Variants in IGF1 observed in about 807,000 individuals in gnomAD.
The protein encoded by IGF1 is insulin-like growth factor 1.
A neutral mutation model predicts 13.8 loss-of-function variants in IGF1; 4 were observed. That is an observed-to-expected ratio of 0.29 (90% CI 0.14 to 0.66). IGF1 has a LOEUF of 0.66. Among genes scored for constraint, IGF1 ranks in the 30% least tolerant of loss-of-function variants. The probability of loss-of-function intolerance (pLI) is 0.78; values close to 1 mark genes in which losing one functional copy is unlikely to be tolerated. For missense variants in IGF1, 124 were observed against 188.5 expected (o/e 0.66, Z 2.00); for synonymous variants, 76 against 72.6 (o/e 1.05, Z -0.23).
intron 2 of IGF1, among the ~76,000 whole-genome samples, chr12:102,452,017 C>T (rs1203965461): frequency 6.6e-6 from 1 of 152,110 alleles, no homozygotes; most frequent in Non-Finnish European, 1.5e-5. Flanking sequence ...AATCCCAGCA[C>T]TTTGGGAGGC....
At chr12:102,438,198 G>A (rs895195717) in intron 2 of IGF1, among the ~76,000 whole-genome samples, 10 of 152,172 alleles carry the variant, frequency 6.6e-5, no homozygotes, top group African/African-American at 2.4e-4. Context: ...AGAAGCTGAG[G>A]CAAAGTCAGG....
chr12:102,436,917 C>T (rs1278298550), intron 2 of IGF1, among the ~76,000 whole-genome samples: 6 of 152,140 alleles, frequency 3.9e-5, no homozygotes, highest in Admixed American at 3.9e-4. Flanking sequence ...CAACAGTGCC[C>T]AAAGGCAGGA....
intron 1 of IGF1, among the ~76,000 whole-genome samples, chr12:102,477,391 A>G (rs891442240): frequency 3.3e-5 from 5 of 152,214 alleles, no homozygotes; most frequent in African/African-American, 4.8e-5. Flanking sequence ...ATCATAAATA[A>G]TGGACATAAA....
rs2136936521 is a variant in IGF1, at chr12:102,401,171, A to G, written c.*1336T>C. On this transcript the variant is annotated 3_prime_UTR_variant, in exon 4 of 4. Coordinates refer to ENST00000337514, the MANE Select transcript of IGF1 (RefSeq NM_000618.5). ...AAAAATCTGAATCTTTATCTTTTTA[A>G]ACCTTATACCACCCCTTTGAGGTAG... The G allele has an allele frequency of 6.6e-6, 1 of 152,460 alleles. No homozygotes were observed. Among genetic ancestry groups the G allele is most frequent in the Admixed American group, 6.5e-5 (1 of 15,312 alleles). 9.4% of individuals were successfully genotyped at this position (152,460 alleles called of 1,614,324 possible). A position where few individuals can be genotyped will look rare whatever the true frequency, so the allele number is the denominator to read the frequency against.
chr12:102,470,432 A>T (rs1397273122), intron 2 of IGF1, among the ~76,000 whole-genome samples: 3 of 152,222 alleles, frequency 2.0e-5, no homozygotes, highest in African/African-American at 2.4e-5. Context: ...TCATTTTCTT[A>T]GTGGTCCTAT....
intron 2 of IGF1, among the ~76,000 whole-genome samples, chr12:102,443,532 T>G (rs1194895864): frequency 6.6e-6 from 1 of 152,110 alleles, no homozygotes; most frequent in Admixed American, 6.5e-5. Context: ...ATCTTGGGAC[T>G]ACTACATAAG....
intron 2 of IGF1, among the ~76,000 whole-genome samples, chr12:102,419,976 C>T (rs1875563565): frequency 6.6e-6 from 1 of 152,140 alleles, no homozygotes; most frequent in African/African-American, 2.4e-5. Context: ...TGTCTATGCC[C>T]AATCCTAGTC....
At chr12:102,481,315 C>T (rs1005589722), upstream of IGF1, among the ~76,000 whole-genome samples, 1 of 150,692 alleles carries the variant, frequency 6.6e-6, no homozygotes, top group Non-Finnish European at 1.5e-5. Flanking sequence ...AAACAATTTT[C>T]CTGTTGTTTG....
chr12:102,466,546 G>A (rs1880338201), intron 2 of IGF1, among the ~76,000 whole-genome samples: 1 of 152,160 alleles, frequency 6.6e-6, no homozygotes, highest in Admixed American at 6.5e-5. Flanking sequence ...TGTTGAGGCT[G>A]AAAAACTCTG....
intron 2 of IGF1, among the ~76,000 whole-genome samples, chr12:102,474,730 G>C (rs1339262017): frequency 6.6e-6 from 1 of 152,148 alleles, no homozygotes; most frequent in Non-Finnish European, 1.5e-5. Flanking sequence ...AGAATTATAA[G>C]GAACAAGCAT....
At chr12:102,434,914 T>C (rs1877089579) in intron 2 of IGF1, among the ~76,000 whole-genome samples, 1 of 152,190 alleles carries the variant, frequency 6.6e-6, no homozygotes, top group Non-Finnish European at 1.5e-5. Flanking sequence ...TGAGCATTTT[T>C]TCATGTATTT....
At chr12:102,478,002 T>C (rs1056246365) in intron 1 of IGF1, among the ~76,000 whole-genome samples, 1 of 151,010 alleles carries the variant, frequency 6.6e-6, no homozygotes, top group Non-Finnish European at 1.5e-5. Context: ...TTTTTCTTTT[T>C]TTTTTTTTTT....
At position 102,398,022 on chromosome 12, in the gene IGF1, TAA is replaced by T. The variant is rs17881987; in HGVS notation, c.*4483_*4484del. On this transcript the variant is annotated 3_prime_UTR_variant, in exon 4 of 4. Transcript: ENST00000337514. ...TAACTTATTATTCCTCATTCTGATA[TAA>T]AAAAAGAAGAAAAGAACCAAGTCAT... 8.0e-6 allele frequency: 1 copy of T among 124,362 alleles called. No homozygotes were observed. Among genetic ancestry groups the T allele is most frequent in the Non-Finnish European group, 1.7e-5 (1 of 57,164 alleles). 7.7% of individuals were successfully genotyped at this position (124,362 alleles called of 1,614,324 possible).
chr12:102,458,730 C>CAAAAAAAAAAAAAAA lies in IGF1; in HGVS notation c.220+16898_220+16912dup, dbSNP rs397825972. The stretch of plus-strand genomic sequence containing the variant: ...TTAAGCAGATGGTAGGAACACTGAC[C>CAAAAAAAAAAAAAAA]AAAAAAAAAAAAAAAAACCAAAAAC... On this transcript the variant is annotated intron_variant, in intron 2 of 3. Transcript: ENST00000337514. 2.6e-3 allele frequency among the ~76,000 whole-genome samples: 190 copies of CAAAAAAAAAAAAAAA among 73,306 alleles called. 13 individuals are homozygous for CAAAAAAAAAAAAAAA. Among genetic ancestry groups the CAAAAAAAAAAAAAAA allele is most frequent in the African/African-American group, 7.9e-3 (151 of 19,104 alleles). 48.1% of individuals were successfully genotyped at this position (73,306 alleles called of 152,430 possible).
At chr12:102,431,999 T>C (rs1876781295) in intron 2 of IGF1, among the ~76,000 whole-genome samples, 1 of 152,306 alleles carries the variant, frequency 6.6e-6, no homozygotes, top group Non-Finnish European at 1.5e-5. Context: ...CATAAAGTTA[T>C]AACAACTTTA....
At chr12:102,471,032 G>T (rs1350346406) in intron 2 of IGF1, among the ~76,000 whole-genome samples, 1 of 152,138 alleles carries the variant, frequency 6.6e-6, no homozygotes, top group Admixed American at 6.5e-5. Context: ...TGGCTCCTTA[G>T]TCCAAAAGAC....
At chr12:102,475,585 A>G (rs962016255) in intron 2 of IGF1, 58 bp downstream of exon 2, 1 of 1,599,112 alleles carries the variant, frequency 6.3e-7, no homozygotes, top group Non-Finnish European at 8.6e-7. Flanking sequence ...GCGGTTGTAA[A>G]TCCACAGAGC....
intron 2 of IGF1, among the ~76,000 whole-genome samples, chr12:102,447,141 C>T (rs564355857): frequency 6.6e-6 from 1 of 152,178 alleles, no homozygotes; most frequent in East Asian, 1.9e-4. Flanking sequence ...TGTTTTACTT[C>T]CAATTATGTG....
intron 2 of IGF1, among the ~76,000 whole-genome samples, chr12:102,468,739 C>T (rs938378418): frequency 2.4e-4 from 37 of 152,178 alleles, no homozygotes; most frequent in South Asian, 2.1e-4. Flanking sequence ...TCTGCCAGGG[C>T]GGCAGCTCAA....
Sources: allele counts gnomAD v4.1 joint callset (sites outside exome capture counted in the v4.1 genomes callset), GRCh38; gene constraint gnomAD v4.1.1; transcripts MANE v1.5; gene names NCBI Gene and HGNC (gene_info 2026-07-23, HGNC 2026-07-21).